The following SMOC2 variants were observed in gnomAD, a reference collection of about 807,000 sequenced individuals.
SMOC2 encodes the protein SPARC-related modular calcium-binding protein 2.
In SMOC2, 39 loss-of-function variants were observed where a neutral mutation model predicts 61.4. That is an observed-to-expected ratio of 0.64 (90% CI 0.49 to 0.83). SMOC2 has a LOEUF of 0.83. SMOC2 is among the 40% of genes least tolerant of loss of function. The probability of loss-of-function intolerance (pLI) is 0.00; values close to 1 mark genes in which losing one functional copy is unlikely to be tolerated. For synonymous variants in SMOC2, 247 were observed against 239.9 expected (o/e 1.03, Z -0.27); for missense variants, 556 against 592.9 (o/e 0.94, Z 0.65).
chr6:168,632,634 A>G (rs1366777603), intron 9 of SMOC2, among the ~76,000 whole-genome samples: 1 of 152,180 alleles, frequency 6.6e-6, no homozygotes, highest in African/African-American at 2.4e-5. Context: ...ATTTTGAGCT[A>G]TGATTTTTTG....
intron 1 of SMOC2, among the ~76,000 whole-genome samples, chr6:168,497,305 C>A (rs925286382): frequency 1.3e-5 from 2 of 152,256 alleles, no homozygotes; most frequent in African/African-American, 4.8e-5. Context: ...ACCCTGTGAG[C>A]AGCTCCGTTT....
At chr6:168,540,400 A>C (rs1035164153) in intron 4 of SMOC2, among the ~76,000 whole-genome samples, 8 of 152,214 alleles carry the variant, frequency 5.3e-5, no homozygotes, top group African/African-American at 1.9e-4. Flanking sequence ...CCGATGGCGC[A>C]CACAGCACAT....
chr6:168,527,547 A>C (rs1783483314), intron 3 of SMOC2, 81 bp from the exon 4 acceptor site: 2 of 1,018,378 alleles, frequency 2.0e-6, no homozygotes, highest in South Asian at 1.4e-5. Context: ...CCACTGCCGC[A>C]GAAAGCAGAG....
chr6:168,653,078 C>T lies in SMOC2; in HGVS notation c.1135C>T (p.Leu379Phe). 6.2e-7 allele frequency: 1 copy of T among 1,614,196 alleles called. No homozygotes were observed. The highest frequency in any genetic ancestry group is 8.5e-7 in the Non-Finnish European group (1 of 1,180,034). ...KKEIKPFKRF[L>F]RKKSKPKKCV... Reference sequence around the variant, plus strand: ...GGAAATCAAACCCTTCAAGAGGTTCCTTCGCAAAAAATCAAAGCCCAAAAA... The same window carrying T: ...GGAAATCAAACCCTTCAAGAGGTTCTTTCGCAAAAAATCAAAGCCCAAAAA... Residue 379 changes from leucine (L) to phenylalanine (F), a missense_variant, in exon 11 of 13, where the codon CTT (leucine) becomes TTT (phenylalanine). By Grantham distance (22) the Leu-to-Phe change is conservative. Coordinates refer to ENST00000356284, the MANE Select transcript of SMOC2 (RefSeq NM_001166412.2).
At chr6:168,465,366 A>G (rs555006473) in intron 1 of SMOC2, among the ~76,000 whole-genome samples, 100 of 152,194 alleles carry the variant, frequency 6.6e-4, no homozygotes, top group Middle Eastern at 3.4e-3. Context: ...GTTTCCTCCA[A>G]AATTTCCGGG....
rs560005983 is a variant in SMOC2 at position 168,469,805 on chromosome 6, G to A, written c.84+28351G>A. On this transcript the variant is annotated intron_variant, in intron 1 of 12. Transcript: ENST00000356284. Reference sequence around the variant, plus strand: ...AGTGCGTCCTCACCGCTGCAGCCTCGTTAGGAGTGCTCCCTCACTGCTTCA... The same window carrying A: ...AGTGCGTCCTCACCGCTGCAGCCTCATTAGGAGTGCTCCCTCACTGCTTCA... 5.9e-5 allele frequency among the ~76,000 whole-genome samples: 9 copies of A among 152,244 alleles called. No homozygotes were observed. In the East Asian group the frequency reaches 9.7e-4, roughly 16 times the overall value.
At chr6:168,581,779 G>C (rs1784925465) in intron 7 of SMOC2, among the ~76,000 whole-genome samples, 1 of 152,274 alleles carries the variant, frequency 6.6e-6, no homozygotes, top group South Asian at 2.1e-4. Flanking sequence ...GGACCCCGCT[G>C]CCTCCCTGCA....
chr6:168,626,569 G>A (rs974970907), intron 9 of SMOC2, among the ~76,000 whole-genome samples: 1 of 152,196 alleles, frequency 6.6e-6, no homozygotes, highest in Non-Finnish European at 1.5e-5. Context: ...GCTACAGCCT[G>A]TGTCTCCTCT....
rs199557237 is a variant in SMOC2, at chr6:168,598,980, G to A, written c.800G>A (p.Arg267His). 1.9e-5 allele frequency: 30 copies of A among 1,609,950 alleles called. No homozygotes were observed. Among genetic ancestry groups the A allele is most frequent in the East Asian group, 9.0e-5 (4 of 44,674 alleles). The change falls in exon 8 of 13, where the codon CGC (arginine) becomes CAC (histidine). Residue 267 changes from arginine (R) to histidine (H), a missense_variant. Transcript: ENST00000356284. Reference sequence around the variant, plus strand: ...TGGTGCGTCCTGGTGGACACGGGGCGCCCCATTCCCGGCACATCCACAAGG... The same window carrying A: ...TGGTGCGTCCTGGTGGACACGGGGCACCCCATTCCCGGCACATCCACAAGG... ...YCWCVLVDTGRPIPGTSTRYE... is the reference protein window; with the variant it reads ...YCWCVLVDTGHPIPGTSTRYE...
At position 168,488,288 on chromosome 6, in the gene SMOC2, T is replaced by C. The variant is rs1229121754; in HGVS notation, c.85-21627T>C. On this transcript the variant is annotated intron_variant, in intron 1 of 12. Coordinates refer to ENST00000356284, the MANE Select transcript of SMOC2 (RefSeq NM_001166412.2). ...TCCCATGGCCGCTTCCCCCCATGTCTTCACATTGTCTTCCCTCTCTTCCAT... is the reference window on the plus strand; with the variant it reads ...TCCCATGGCCGCTTCCCCCCATGTCCTCACATTGTCTTCCCTCTCTTCCAT... Among the ~76,000 whole-genome samples the C allele has an allele frequency of 2.0e-5, 3 of 152,236 alleles. No homozygotes were observed. In the South Asian group the frequency reaches 6.2e-4, roughly 32 times the overall value.
chr6:168,610,856 T>A (rs1344644317), intron 9 of SMOC2, among the ~76,000 whole-genome samples: 1 of 152,202 alleles, frequency 6.6e-6, no homozygotes, highest in African/African-American at 2.4e-5. Context: ...TCTTCTTTCA[T>A]TGTGTAGGTT....
chr6:168,601,837 C>T (rs1785561573), intron 8 of SMOC2, among the ~76,000 whole-genome samples: 1 of 151,882 alleles, frequency 6.6e-6, no homozygotes, highest in South Asian at 2.1e-4. Context: ...CCCTCTCTTC[C>T]CGTCCATCGA....
intron 4 of SMOC2, among the ~76,000 whole-genome samples, chr6:168,530,637 A>ACCCCCCCCCCCCCCCCCCCCC (rs3064057): frequency 1.7e-5 from 2 of 120,188 alleles, no homozygotes; most frequent in African/African-American, 8.2e-5. Context: ...TCACGGTGCA[A>ACCCCCCCCCCCCCCCCCCCCC]CCCCCCCCCC....
At chr6:168,484,799 A>G (rs956993778) in intron 1 of SMOC2, among the ~76,000 whole-genome samples, 2 of 152,254 alleles carry the variant, frequency 1.3e-5, no homozygotes, top group African/African-American at 4.8e-5. Flanking sequence ...ACAGGCAGCA[A>G]TGTGGATGAA....
At chr6:168,459,253 G>A (rs1400659564) in intron 1 of SMOC2, among the ~76,000 whole-genome samples, 3 of 152,206 alleles carry the variant, frequency 2.0e-5, no homozygotes, top group South Asian at 2.1e-4. Flanking sequence ...AAGCCGGGGC[G>A]TGGGCCTCGT....
chr6:168,558,230 A>G (rs1020540076), intron 7 of SMOC2, among the ~76,000 whole-genome samples: 2 of 152,038 alleles, frequency 1.3e-5, no homozygotes, highest in African/African-American at 2.4e-5. Flanking sequence ...CAACCTTCTC[A>G]TTGTCTTATT....
chr6:168,458,199 G>C (rs1200875725), intron 1 of SMOC2, among the ~76,000 whole-genome samples: 1 of 152,216 alleles, frequency 6.6e-6, no homozygotes, highest in Non-Finnish European at 1.5e-5. Context: ...TCATCAGAGA[G>C]AACTGGGATC....
intron 7 of SMOC2, among the ~76,000 whole-genome samples, chr6:168,567,859 T>C (rs571660445): frequency 4.0e-5 from 6 of 150,278 alleles, no homozygotes; most frequent in South Asian, 4.2e-4. Context: ...CGGTGTCTCA[T>C]ATTAGAATTT....
intron 9 of SMOC2, among the ~76,000 whole-genome samples, chr6:168,623,984 G>A (rs554884405): frequency 3.9e-5 from 6 of 152,264 alleles, no homozygotes; most frequent in East Asian, 1.9e-4. Flanking sequence ...GGGCATCGCC[G>A]CAGAGGAGGC....
Sources: gnomAD v4.1 joint callset for allele counts (sites outside exome capture counted in the v4.1 genomes callset) on GRCh38, gnomAD v4.1.1 for gene constraint, MANE v1.5 for transcripts, NCBI Gene and HGNC (gene_info 2026-07-23, HGNC 2026-07-21) for gene names.